CYB5R4: variants seen among roughly 807,000 people sequenced by gnomAD.
CYB5R4 encodes the protein N-terminal cytochrome b5 and cytochrome b5 oxidoreductase domain-containing protein.
In CYB5R4, 55 loss-of-function variants were observed where a neutral mutation model predicts 70.2. The observed-to-expected ratio is 0.78, with a 90% confidence interval of 0.63 to 0.98. CYB5R4 has a LOEUF of 0.98. Among genes scored for constraint, CYB5R4 ranks in the 50% least tolerant of loss-of-function variants. The pLI is 0.00. For synonymous variants in CYB5R4, 197 were observed against 199.5 expected, an observed-to-expected ratio of 0.99 and a Z score of 0.11; for missense variants, 562 against 612.6, an observed-to-expected ratio of 0.92 and a Z score of 0.87.
intron 10 of CYB5R4, among the ~76,000 whole-genome samples, chr6:83,930,344 G>A (rs1053410764): frequency 6.6e-6 from 1 of 152,138 alleles, no homozygotes; most frequent in African/African-American, 2.4e-5. Context: ...CAAAATTGAA[G>A]TCAGTCCTCT....
At chr6:83,907,024 T>C (rs1294691035) in intron 3 of CYB5R4, among the ~76,000 whole-genome samples, 1 of 152,204 alleles carries the variant, frequency 6.6e-6, no homozygotes. Context: ...TTTATATACA[T>C]GCAAATATTT....
chr6:83,933,616 A>G (rs2099468478), intron 10 of CYB5R4, among the ~76,000 whole-genome samples: 1 of 152,232 alleles, frequency 6.6e-6, no homozygotes, highest in Admixed American at 6.5e-5. Context: ...TAAAAAGTTA[A>G]TATCTTCACG....
intron 12 of CYB5R4, 74 bp downstream of exon 12, chr6:83,936,450 G>A: frequency 7.7e-7 from 1 of 1,303,634 alleles, no homozygotes; most frequent in South Asian, 1.3e-5. Flanking sequence ...TTATCTCCAT[G>A]TAGGAGTCTA....
At chr6:83,860,406 G>A (rs1290213993) in intron 1 of CYB5R4, among the ~76,000 whole-genome samples, 1 of 152,126 alleles carries the variant, frequency 6.6e-6, no homozygotes, top group African/African-American at 2.4e-5. Context: ...TCTGGTACCT[G>A]ATTGTTTTGT....
At chr6:83,863,640 G>A (rs902723638) in intron 1 of CYB5R4, among the ~76,000 whole-genome samples, 3 of 151,984 alleles carry the variant, frequency 2.0e-5, no homozygotes, top group African/African-American at 7.3e-5. Context: ...CCTGTTATAT[G>A]GTCAGCCCTG....
intron 2 of CYB5R4, among the ~76,000 whole-genome samples, chr6:83,865,615 C>T (rs1045231475): frequency 2.6e-5 from 4 of 152,076 alleles, no homozygotes; most frequent in Non-Finnish European, 4.4e-5. Context: ...TAATCATACT[C>T]GATTAGGGAC....
chr6:83,870,763 A>G (rs1026751035), intron 2 of CYB5R4, among the ~76,000 whole-genome samples: 1 of 151,956 alleles, frequency 6.6e-6, no homozygotes, highest in Non-Finnish European at 1.5e-5. Context: ...AACCCACTGT[A>G]TTTGTAACCT....
At chr6:83,899,944 G>T (rs2099462609) in intron 3 of CYB5R4, among the ~76,000 whole-genome samples, 1 of 151,918 alleles carries the variant, frequency 6.6e-6, no homozygotes, top group African/African-American at 2.4e-5. Flanking sequence ...TTTTTTGAAG[G>T]GTTTTTTATG....
At chr6:83,865,471 C>G (rs1176583161) in intron 2 of CYB5R4, among the ~76,000 whole-genome samples, 1 of 152,162 alleles carries the variant, frequency 6.6e-6, no homozygotes, top group Non-Finnish European at 1.5e-5. Flanking sequence ...TCTCACCTAG[C>G]TTCTGGTGGT....
intron 14 of CYB5R4, among the ~76,000 whole-genome samples, chr6:83,947,183 G>A (rs552595848): frequency 1.7e-4 from 26 of 152,032 alleles, no homozygotes; most frequent in Admixed American, 1.3e-3. Flanking sequence ...TAACCAAAAC[G>A]GCATGGTACT....
At chr6:83,955,091 A>G (rs990999933) in intron 14 of CYB5R4, among the ~76,000 whole-genome samples, 1 of 152,042 alleles carries the variant, frequency 6.6e-6, no homozygotes, top group African/African-American at 2.4e-5. Context: ...TTCCTTATCT[A>G]TAGGAAAAGC....
At chr6:83,910,264 A>G in intron 4 of CYB5R4, 3 of 809,472 alleles carry the variant, frequency 3.7e-6, no homozygotes, top group Admixed American at 2.7e-5. Context: ...TAGAAGCCTC[A>G]GTTTCCTCAT....
In CYB5R4 at chr6:83,859,809, C is replaced by T. The variant is rs768421498; in HGVS notation, c.27C>T (p.Phe9=). The change falls in exon 1 of 16, where the codon TTC becomes TTT. Residue 9 remains phenylalanine, a synonymous_variant. Transcript: ENST00000369681. ...TGCTGAACGTCCCTTCCCAGTCTTT[C>T]CCGGCCCCCAGGTCGCAGCAGCGTG... MLNVPSQS[F]PAPRSQQRVA... 6.2e-7 allele frequency: 1 copy of T among 1,613,504 alleles called. No individual in the cohort carries two copies. The highest frequency in any genetic ancestry group is 8.5e-7 in the Non-Finnish European group (1 of 1,179,842).
Position 83,877,945 on chromosome 6 carries a change from A to G in CYB5R4, c.229+13617A>G, listed in dbSNP as rs538294428. On this transcript the variant is annotated intron_variant, in intron 2 of 15. Coordinates refer to ENST00000369681, the MANE Select transcript of CYB5R4 (RefSeq NM_016230.4). ...CTTTTGCATCTTCCTCTGGGATTCCAGTTACAAACATGTTAGCCTATATTG... is the reference window on the plus strand; with the variant it reads ...CTTTTGCATCTTCCTCTGGGATTCCGGTTACAAACATGTTAGCCTATATTG... Among the ~76,000 whole-genome samples, 3 of 152,146 alleles carry G rather than the reference A, an allele frequency of 2.0e-5. No individual in the cohort carries two copies. The South Asian group carries it at 6.2e-4, about 32-fold the overall frequency.
In CYB5R4 at chr6:83,864,157, T is replaced by C. The variant is rs2129127384; in HGVS notation, c.76-18T>C. 5 of 1,541,224 alleles carry C rather than the reference T, an allele frequency of 3.2e-6. No homozygotes were observed. The highest frequency in any genetic ancestry group is 4.4e-6 in the Non-Finnish European group (5 of 1,147,980). On this transcript the variant is annotated intron_variant, in intron 1 of 15. Transcript: ENST00000369681. Reference sequence around the variant, plus strand: ...AAGTAATGAAGCTAGATTTAATTCTTCCTTTTTCCATTTTTAGGTACCTTT... The same window carrying C: ...AAGTAATGAAGCTAGATTTAATTCTCCCTTTTTCCATTTTTAGGTACCTTT...
chr6:83,961,098 A>AC lies in CYB5R4; in HGVS notation c.*1221dup, dbSNP rs1418365545. 1 of 152,210 alleles carries AC rather than the reference A, an allele frequency of 6.6e-6. No individual in the cohort carries two copies. The highest frequency in any genetic ancestry group is 1.5e-5 in the Non-Finnish European group (1 of 68,034). The allele number at this position is 152,210 out of a possible 1,614,324, so 9.4% of individuals were successfully genotyped here. A position where few individuals can be genotyped will look rare whatever the true frequency, so the allele number is the denominator to read the frequency against. ...TGAATGAATAATATACTCAAGAGGA[A>AC]CACAATATTAATATTCCCCAAATTA... On this transcript the variant is annotated 3_prime_UTR_variant, in exon 16 of 16. Coordinates refer to ENST00000369681, the MANE Select transcript of CYB5R4 (RefSeq NM_016230.4).
At chr6:83,877,825 G>A (rs1209234503) in intron 2 of CYB5R4, among the ~76,000 whole-genome samples, 1 of 152,150 alleles carries the variant, frequency 6.6e-6, no homozygotes, top group African/African-American at 2.4e-5. Context: ...GTTTTTAGCA[G>A]TTTGACTATG....
chr6:83,955,048 T>G (rs183067438), intron 14 of CYB5R4, among the ~76,000 whole-genome samples: 1 of 151,988 alleles, frequency 6.6e-6, no homozygotes, highest in Admixed American at 6.6e-5. Flanking sequence ...GCTTGGATAA[T>G]TAGTTCAATT....
In CYB5R4 at chr6:83,961,895, T is replaced by C. The variant is rs2099473405; in HGVS notation, c.*2017T>C. On this transcript the variant is annotated 3_prime_UTR_variant, in exon 16 of 16. Transcript: ENST00000369681. ...TATATTTTTGTTTATATTTTATTTA[T>C]ATTTTGTTTATATTTTGTTATATTT... 1 of 150,320 alleles carries C rather than the reference T, an allele frequency of 6.7e-6. No individual in the cohort carries two copies. The highest frequency in any genetic ancestry group is 1.5e-5 in the Non-Finnish European group (1 of 67,734). 9.3% of individuals were successfully genotyped at this position (150,320 alleles called of 1,614,324 possible).
Sources: gnomAD v4.1 joint callset for allele counts (sites outside exome capture counted in the v4.1 genomes callset) on GRCh38, gnomAD v4.1.1 for gene constraint, MANE v1.5 for transcripts, NCBI Gene and HGNC (gene_info 2026-07-23, HGNC 2026-07-21) for gene names.